Variants in EPS8L2 observed in about 807,000 individuals in gnomAD.
EPS8L2 encodes the protein EPS8 signaling adaptor L2, also known as epidermal growth factor receptor kinase substrate 8-like protein 2.
A neutral mutation model predicts 99.4 loss-of-function variants in EPS8L2; 81 were observed. That is an observed-to-expected ratio of 0.82 (90% CI 0.68 to 0.98). The LOEUF (loss-of-function observed/expected upper bound fraction) is 0.98. EPS8L2 is among the 50% of genes least tolerant of loss of function. The pLI is 0.00. For synonymous variants in EPS8L2, 509 were observed against 407.3 expected, an observed-to-expected ratio of 1.25 and a Z score of -3.01; for missense variants, 1,155 against 968.8, an observed-to-expected ratio of 1.19 and a Z score of -2.55.
intron 7 of EPS8L2, 72 bp downstream of exon 7, chr11:720,981 G>GGCAGGGGAGGGGAGGAGCCA: frequency 7.3e-7 from 1 of 1,375,926 alleles, no homozygotes; most frequent in African/African-American, 1.4e-5. Context: ...GGGAGGAGCC[G>GGCAGGGGAGGGGAGGAGCCA]GCAGGGGAGG....
Position 720,228 on chromosome 11 carries a change from G to C in EPS8L2, c.327+5G>C. 1 of 1,612,760 alleles carries C rather than the reference G, an allele frequency of 6.2e-7. No homozygotes were observed. Among genetic ancestry groups the C allele is most frequent in the South Asian group, 1.1e-5 (1 of 91,074 alleles). On this transcript the variant is annotated splice_donor_5th_base_variant and intron_variant, in intron 5 of 20. Transcript: ENST00000318562. ...CTGCTGGACATCGAGTCACAGGTGG[G>C]GCCCAGCGCCACGGGGGACAGGGAG...
At position 726,190 on chromosome 11, in the gene EPS8L2, G is replaced by A. The variant is rs1415523182; in HGVS notation, c.1753+20G>A. 2 of 1,600,850 alleles carry A rather than the reference G, an allele frequency of 1.2e-6. No individual in the cohort carries two copies. Among genetic ancestry groups the A allele is most frequent in the Non-Finnish European group, 1.7e-6 (2 of 1,173,276 alleles). ...AAGACGGTGAGAGCTGCTGCTTCGAGGCGGGGGTCCCGGGCCCAGGGCCAC... is the reference window on the plus strand; with the variant it reads ...AAGACGGTGAGAGCTGCTGCTTCGAAGCGGGGGTCCCGGGCCCAGGGCCAC... On this transcript the variant is annotated intron_variant, in intron 18 of 20. Transcript: ENST00000318562.
Position 723,349 on chromosome 11 carries a change from C to CACAT in EPS8L2, c.1453_1454insTACA (p.Arg485IlefsTer19). ...ACCACCAGTCAGCTCCCCACATACTCACAGGTAAGCCCCCCTCAAAGTGAG... is the reference window on the plus strand; with the variant it reads ...ACCACCAGTCAGCTCCCCACATACTCACATACAGGTAAGCCCCCCTCAAAGTGAG... On this transcript the variant is annotated frameshift_variant, in exon 15 of 21. Transcript: ENST00000318562. LOFTEE classifies it high-confidence loss of function. 6.8e-7 allele frequency: 1 copy of CACAT among 1,463,166 alleles called. No individual in the cohort carries two copies. The highest frequency in any genetic ancestry group is 9.4e-7 in the Non-Finnish European group (1 of 1,067,320). 90.6% of individuals were successfully genotyped at this position (1,463,166 alleles called of 1,614,324 possible). A position where few individuals can be genotyped will look rare whatever the true frequency, so the allele number is the denominator to read the frequency against.
At position 722,127 on chromosome 11, in the gene EPS8L2, G is replaced by T. The variant is rs528336256; in HGVS notation, c.1021G>T (p.Ala341Ser). The T allele has an allele frequency of 1.2e-6, 2 of 1,612,980 alleles. No individual in the cohort carries two copies. The highest frequency in any genetic ancestry group is 1.7e-6 in the Non-Finnish European group (2 of 1,179,880). Residue 341 changes from alanine (A) to serine (S), a missense_variant, in exon 12 of 21, where the codon GCG becomes TCG. Ala to Ser is a moderately conservative substitution (Grantham distance 99). Coordinates refer to ENST00000318562, the MANE Select transcript of EPS8L2 (RefSeq NM_022772.4). ...GAAGCACATCCAGAACCCCAGCGCC[G>T]CGGAGCTCGTGCACTTCCTCTTCGG... ...LQKHIQNPSA[A>S]ELVHFLFGPL...
chr11:712,102 A>G (rs1004901810), intron 4 of EPS8L2, among the ~76,000 whole-genome samples: 8 of 152,160 alleles, frequency 5.3e-5, no homozygotes, highest in Non-Finnish European at 1.2e-4. Flanking sequence ...CCTGACCAAC[A>G]TGGTGAAACC....
chr11:723,168 C>T (rs1862235626), intron 14 of EPS8L2, 73 bp from the exon 15 acceptor site: 2 of 750,106 alleles, frequency 2.7e-6, no homozygotes, highest in East Asian at 2.5e-5. Context: ...AGCCCAGCCC[C>T]TGTCATATGC....
intron 16 of EPS8L2, 90 bp from the exon 17 acceptor site, chr11:725,638 G>A: frequency 8.2e-7 from 1 of 1,213,958 alleles, no homozygotes. Context: ...AGACCCTAGG[G>A]CGCTCCCGAC....
intron 1 of EPS8L2, chr11:709,074 C>T (rs1861812815): frequency 2.4e-6 from 1 of 412,192 alleles, no homozygotes; most frequent in Non-Finnish European, 4.4e-6. Flanking sequence ...CCCCAGGGCC[C>T]TTGTCAGAGC....
intron 4 of EPS8L2, among the ~76,000 whole-genome samples, chr11:715,426 G>C (rs955813740): frequency 6.6e-6 from 1 of 151,900 alleles, no homozygotes; most frequent in Non-Finnish European, 1.5e-5. Flanking sequence ...TTGAGAATTT[G>C]TGTTTTCTCT....
In EPS8L2 at chr11:726,369, C is replaced by G. The variant is rs976017389; in HGVS notation, c.1819C>G (p.Gln607Glu). 7 of 1,610,864 alleles carry G rather than the reference C, an allele frequency of 4.3e-6. No individual in the cohort carries two copies. In the South Asian group the frequency reaches 6.6e-5, roughly 15 times the overall value. Residue 607 changes from glutamine (Q) to glutamate (E), a missense_variant, in exon 19 of 21, where the codon CAG (glutamine) becomes GAG (glutamate). Physicochemically the swap from Gln to Glu is conservative, Grantham distance 29. Coordinates refer to ENST00000318562, the MANE Select transcript of EPS8L2 (RefSeq NM_022772.4). ...CCGGAAAATCAGCAACATCAGGGCG[C>G]AGCCACAGAGGCACTTCCGCGTGGA... ...LIRKISNIRA[Q>E]PQRHFRVERS...
Position 726,412 on chromosome 11 carries a change from G to C in EPS8L2, c.1862G>C (p.Ser621Thr), listed in dbSNP as rs747873495. Residue 621 changes from serine (S) to threonine (T), a missense_variant, in exon 19 of 21, where the codon AGC (serine) becomes ACC (threonine). Physicochemically the swap from Ser to Thr is moderately conservative, Grantham distance 58. Coordinates refer to ENST00000318562, the MANE Select transcript of EPS8L2 (RefSeq NM_022772.4). ...CGCGTGGAGCGCAGCCAGCCCGTGA[G>C]CCAGCCGCTCACCTACGAGTCGGGT... ...HFRVERSQPV[S>T]QPLTYESGPD... The C allele has an allele frequency of 6.2e-7, 1 of 1,605,252 alleles. No homozygotes were observed. The highest frequency in any genetic ancestry group is 1.7e-5 in the Admixed American group (1 of 58,890).
In EPS8L2 at chr11:720,197, C is replaced by T. The variant is rs3087546; in HGVS notation, c.301C>T (p.Leu101=). 912,560 of 1,612,864 alleles carry T rather than the reference C, an allele frequency of 0.57. 261,345 individuals carry two copies. The highest frequency in any genetic ancestry group is 0.64 in the Admixed American group (38,460 of 59,982). The change falls in exon 5 of 21, where the codon CTG becomes TTG. Residue 101 remains leucine (L), a synonymous_variant. Coordinates refer to ENST00000318562, the MANE Select transcript of EPS8L2 (RefSeq NM_022772.4). ...EMLLQVNDQS[L]RLLDIESQEE... ...GCTGCTGCAGGTGAACGACCAGTCGCTGCGGCTGCTGGACATCGAGTCACA... is the reference window on the plus strand; with the variant it reads ...GCTGCTGCAGGTGAACGACCAGTCGTTGCGGCTGCTGGACATCGAGTCACA...
At chr11:726,826 C>G (rs1441362723) in intron 20 of EPS8L2, 75 bp downstream of exon 20, 2 of 1,583,602 alleles carry the variant, frequency 1.3e-6, no homozygotes, top group African/African-American at 2.7e-5. Context: ...TTCCTGGGGT[C>G]GCAGAGCAAG....
chr11:727,024 C>T lies in EPS8L2; in HGVS notation c.*43C>T, dbSNP rs1340875054. 2 of 1,296,560 alleles carry T rather than the reference C, an allele frequency of 1.5e-6. No individual in the cohort carries two copies. Among genetic ancestry groups the T allele is most frequent in the African/African-American group, 2.9e-5 (2 of 68,316 alleles). 80.3% of individuals were successfully genotyped at this position (1,296,560 alleles called of 1,614,324 possible). On this transcript the variant is annotated 3_prime_UTR_variant, in exon 21 of 21. Coordinates refer to ENST00000318562, the MANE Select transcript of EPS8L2 (RefSeq NM_022772.4). ...TGGGGCCTGCGGAGGGGAAGCCCAC[C>T]CACAATGCATGGAGTATTATTTTTA...
chr11:726,812 C>T, intron 20 of EPS8L2, 61 bp downstream of exon 20: 1 of 1,580,914 alleles, frequency 6.3e-7, no homozygotes, highest in Non-Finnish European at 8.6e-7. Context: ...CTCTCCCCCG[C>T]CCGTTCCTGG....
chr11:721,810 G>A (rs1191555927), intron 10 of EPS8L2, 93 bp from the exon 11 acceptor site: 2 of 1,513,310 alleles, frequency 1.3e-6, no homozygotes, highest in African/African-American at 1.4e-5. Context: ...GTGGAGGAAG[G>A]TCCAGCCCAC....
chr11:719,981 C>G lies in EPS8L2; in HGVS notation c.166-81C>G, dbSNP rs112727585. The G allele has an allele frequency of 0.013, 18,343 of 1,448,018 alleles. 427 individuals carry two copies. Among genetic ancestry groups the G allele is most frequent in the African/African-American group, 0.086 (6,076 of 70,592 alleles). The allele number at this position is 1,448,018 out of a possible 1,614,324, so 89.7% of individuals were successfully genotyped here. A position where few individuals can be genotyped will look rare whatever the true frequency, so the allele number is the denominator to read the frequency against. The stretch of plus-strand genomic sequence containing the variant: ...CCAGGGTTGGCTGTGGCCCCTCAGC[C>G]CCTCAGGCTGTGGCCCCTGGGGGCT... On this transcript the variant is annotated intron_variant, in intron 4 of 20. Transcript: ENST00000318562.
chr11:722,484 C>T lies in EPS8L2; in HGVS notation c.1143C>T (p.Arg381=), dbSNP rs201107272. ...LLSRDAVDFL[R]GHLVPKEMSL... is the part of the protein sequence containing the mutation. ...CCCGAGATGCCGTGGACTTCCTGCG[C>T]GGCCACCTGGTCCCTAAGGAGATGT... The change falls in exon 13 of 21, where the codon CGC becomes CGT. Residue 381 remains arginine, a synonymous_variant. Coordinates refer to ENST00000318562, the MANE Select transcript of EPS8L2 (RefSeq NM_022772.4). 1.3e-4 allele frequency: 216 copies of T among 1,613,510 alleles called. No homozygotes were observed. In the South Asian group the frequency reaches 1.5e-3, roughly 11 times the overall value.
chr11:725,167 A>G (rs1862281121), intron 16 of EPS8L2, among the ~76,000 whole-genome samples: 2 of 152,302 alleles, frequency 1.3e-5, no homozygotes, highest in South Asian at 4.2e-4. Context: ...TGCCAGCCGG[A>G]ATCCAGGCCA....
Sources: gnomAD v4.1 joint callset for allele counts (sites outside exome capture counted in the v4.1 genomes callset) on GRCh38, gnomAD v4.1.1 for gene constraint, MANE v1.5 for transcripts, NCBI Gene and HGNC (gene_info 2026-07-23, HGNC 2026-07-21) for gene names.